The following SATB2 variants were observed in gnomAD, a reference collection of about 807,000 sequenced individuals.
The protein encoded by SATB2 is SATB homeobox 2.
Under a neutral mutation model 73.4 loss-of-function variants are expected in SATB2, and 1 was observed. That is an observed-to-expected ratio of 0.01 (90% CI 0.00 to 0.06). The LOEUF (loss-of-function observed/expected upper bound fraction) is 0.06, where lower values mean the gene tolerates loss of function less well. SATB2 is among the 10% of genes least tolerant of loss of function. SATB2 has a pLI of 1.00. For missense variants in SATB2, 459 were observed against 945.8 expected (o/e 0.49, Z 6.75); for synonymous variants, 397 against 367.0 (o/e 1.08, Z -0.93).
intron 2 of SATB2, among the ~76,000 whole-genome samples, chr2:199,441,590 T>C (rs1691817202): frequency 6.6e-6 from 1 of 152,122 alleles, no homozygotes; most frequent in Admixed American, 6.5e-5. Context: ...ATCTTAACTT[T>C]GGACAATAAG....
Position 199,308,990 on chromosome 2 carries a change from G to A in SATB2, c.1543-33C>T. ...GAGAGGAGGTCGCTTGCATTAACCT[G>A]CAGAGTGTAGAGGAGCTGAGGGGGC... is the stretch of plus-strand genomic sequence containing the variant. On this transcript the variant is annotated intron_variant, in intron 9 of 10. Coordinates refer to ENST00000417098, the MANE Select transcript of SATB2 (RefSeq NM_001172509.2). This position sits in a 1 kb window ranked among gnomAD's most constrained non-coding sequence, Gnocchi z 4.6. 2.5e-6 allele frequency: 4 copies of A among 1,578,120 alleles called. No individual in the cohort carries two copies. The Middle Eastern group carries it at 5.0e-4, about 197-fold the overall frequency.
intron 3 of SATB2, among the ~76,000 whole-genome samples, chr2:199,424,836 T>C (rs1691278873): frequency 6.6e-6 from 1 of 152,154 alleles, no homozygotes; most frequent in Admixed American, 6.5e-5. Context: ...TGGAAAATAA[T>C]GGTATAGCAT....
At chr2:199,359,608 T>C (rs1447636541) in intron 6 of SATB2, among the ~76,000 whole-genome samples, 3 of 152,190 alleles carry the variant, frequency 2.0e-5, no homozygotes, top group Non-Finnish European at 4.4e-5. Context: ...AGTTCATCTA[T>C]ATTACATTCA....
At position 199,272,325 on chromosome 2, in the gene SATB2, G is replaced by T. The variant is rs143484322; in HGVS notation, c.2088C>A (p.Thr696=). The change falls in exon 11 of 11, where the codon ACC becomes ACA. Residue 696 remains threonine, a synonymous_variant. Transcript: ENST00000417098. The surrounding 1 kb of genome is among the most constrained non-coding windows in gnomAD (Gnocchi z 6.7). ...VAEYKDEELL[T]ESEENDSEEG... ...CCTCGCTGTCGTTCTCCTCTGACTCGGTCAGCAGCTCCTCGTCCTTATATT... is the reference window on the plus strand; with the variant it reads ...CCTCGCTGTCGTTCTCCTCTGACTCTGTCAGCAGCTCCTCGTCCTTATATT... 3.7e-6 allele frequency: 6 copies of T among 1,613,954 alleles called. No homozygotes were observed. Among genetic ancestry groups the T allele is most frequent in the Non-Finnish European group, 5.1e-6 (6 of 1,180,014 alleles).
At chr2:199,287,639 T>A (rs1334292428) in intron 10 of SATB2, among the ~76,000 whole-genome samples, 1 of 152,190 alleles carries the variant, frequency 6.6e-6, no homozygotes, top group South Asian at 2.1e-4. Flanking sequence ...CAATAAATTA[T>A]GTAAGCTTCA....
rs183047313 is a variant in SATB2 at position 199,352,908 on chromosome 2, G to A, written c.701-3735C>T. On this transcript the variant is annotated intron_variant, in intron 6 of 10. Transcript: ENST00000417098. ...CCAAACAAAACATTTCTGAAAACCA[G>A]ATCTGCCCATAGGCTACCAGTTTTA... Among the ~76,000 whole-genome samples, 16 of 152,074 alleles carry A rather than the reference G, an allele frequency of 1.1e-4. No individual in the cohort carries two copies. In the East Asian group the frequency reaches 3.1e-3, roughly 29 times the overall value.
At chr2:199,410,858 A>G (rs1457529152) in intron 3 of SATB2, among the ~76,000 whole-genome samples, 1 of 152,232 alleles carries the variant, frequency 6.6e-6, no homozygotes, top group African/African-American at 2.4e-5. Context: ...ACATACATTT[A>G]TGGTCTGGTA....
intron 7 of SATB2, among the ~76,000 whole-genome samples, chr2:199,333,410 T>A (rs534238387): frequency 6.6e-6 from 1 of 151,854 alleles, no homozygotes; most frequent in East Asian, 1.9e-4. Context: ...GGAAAAAAAA[T>A]TGGAAGAGGT....
chr2:199,345,289 T>G (rs1341331541), intron 7 of SATB2, among the ~76,000 whole-genome samples: 8 of 152,126 alleles, frequency 5.3e-5, no homozygotes, highest in Non-Finnish European at 1.5e-5. Flanking sequence ...TCTTTTCTTT[T>G]TTTTTATTAT....
At chr2:199,439,241 T>G (rs1691738866) in intron 2 of SATB2, among the ~76,000 whole-genome samples, 1 of 152,236 alleles carries the variant, frequency 6.6e-6, no homozygotes, top group Admixed American at 6.5e-5. Context: ...GCCTCCTCCC[T>G]AGCTCCTTTG....
chr2:199,469,591 T>G (rs1205763954), upstream of SATB2: 1 of 152,322 alleles, frequency 6.6e-6, no homozygotes, highest in Non-Finnish European at 1.5e-5. Context: ...CTTATTTGAC[T>G]CTTCTGTTTT....
chr2:199,317,113 G>A lies in SATB2; in HGVS notation c.1542+6690C>T, dbSNP rs1445259904. On this transcript the variant is annotated intron_variant, in intron 9 of 10. Coordinates refer to ENST00000417098, the MANE Select transcript of SATB2 (RefSeq NM_001172509.2). ...AACCAGACAGGGCAGACAACCAGGAGTAAAACTTTTTTTAAAGATCAGGGT... is the reference window on the plus strand; with the variant it reads ...AACCAGACAGGGCAGACAACCAGGAATAAAACTTTTTTTAAAGATCAGGGT... 2.6e-5 allele frequency among the ~76,000 whole-genome samples: 4 copies of A among 151,992 alleles called. No individual in the cohort carries two copies. The East Asian group carries it at 7.7e-4, about 29-fold the overall frequency.
At chr2:199,375,746 T>C (rs1405723905) in intron 5 of SATB2, among the ~76,000 whole-genome samples, 1 of 152,188 alleles carries the variant, frequency 6.6e-6, no homozygotes, top group Non-Finnish European at 1.5e-5. Flanking sequence ...ACAAGCCACC[T>C]TTCTCACCTA....
chr2:199,423,709 CAAG>C (rs1691241334), intron 3 of SATB2: 1 of 152,094 alleles, frequency 6.6e-6, no homozygotes. Flanking sequence ...CATAGATTCT[CAAG>C]AAGAACCACC....
intron 8 of SATB2, among the ~76,000 whole-genome samples, chr2:199,327,226 G>T (rs1460341982): frequency 6.6e-6 from 1 of 152,108 alleles, no homozygotes; most frequent in Non-Finnish European, 1.5e-5. Flanking sequence ...GATTACTTGA[G>T]GTCAGGAGTT....
At position 199,381,778 on chromosome 2, in the gene SATB2, T is replaced by C. The variant is rs372822699; in HGVS notation, c.389A>G (p.Tyr130Cys). 20 of 1,613,982 alleles carry C rather than the reference T, an allele frequency of 1.2e-5. No individual in the cohort carries two copies. The highest frequency in any genetic ancestry group is 1.7e-5 in the Non-Finnish European group (20 of 1,179,968). Reference sequence around the variant, plus strand: ...TGTCGCGTCGGGTGCATCTGTCACATAACTGAGGGGGAGAGGGTTCCACCT... The same window carrying C: ...TGTCGCGTCGGGTGCATCTGTCACACAACTGAGGGGGAGAGGGTTCCACCT... ...LGRWNPLPLS[Y>C]VTDAPDATVA... is the part of the protein sequence containing the mutation. The change falls in exon 4 of 11, where the codon TAT becomes TGT. Residue 130 changes from tyrosine (Y) to cysteine (C), a missense_variant. Coordinates refer to ENST00000417098, the MANE Select transcript of SATB2 (RefSeq NM_001172509.2).
intron 2 of SATB2, among the ~76,000 whole-genome samples, chr2:199,444,128 T>C (rs1212335543): frequency 1.3e-5 from 2 of 152,172 alleles, no homozygotes; most frequent in South Asian, 2.1e-4. Flanking sequence ...ATCCTCTTTA[T>C]AATTTATATA....
intron 6 of SATB2, 77 bp from the exon 7 acceptor site, chr2:199,349,250 TATC>T: frequency 8.8e-7 from 1 of 1,135,152 alleles, no homozygotes; most frequent in Non-Finnish European, 1.3e-6. Flanking sequence ...AGAACTGAAT[TATC>T]ATACTTTTGG....
intron 10 of SATB2, among the ~76,000 whole-genome samples, chr2:199,274,012 C>T (rs558212612): frequency 6.6e-6 from 1 of 152,210 alleles, no homozygotes; most frequent in Non-Finnish European, 1.5e-5. Context: ...TAAAATGTGT[C>T]ATGTTGGCTC....
Sources: allele counts gnomAD v4.1 joint callset (sites outside exome capture counted in the v4.1 genomes callset), GRCh38; gene constraint gnomAD v4.1.1; non-coding constraint Gnocchi (gnomAD v3.1); transcripts MANE v1.5; gene names NCBI Gene and HGNC (gene_info 2026-07-23, HGNC 2026-07-21).